FER1L6: variants seen among roughly 807,000 people sequenced by gnomAD.
The protein encoded by FER1L6 is fer-1 like family member 6.
FER1L6 carries 177 observed loss-of-function variants against 219.2 expected under a neutral mutation model. The observed-to-expected ratio is 0.81, with a 90% CI of 0.71 to 0.91. The LOEUF (loss-of-function observed/expected upper bound fraction) is 0.91, where lower values mean the gene tolerates loss of function less well. Among genes scored for constraint, FER1L6 ranks in the 40% least tolerant of loss-of-function variants. FER1L6 has a pLI of 0.00. For synonymous variants in FER1L6, 768 were observed against 824.3 expected (o/e 0.93, Z 1.17); for missense variants, 2,153 against 2,259.9 (o/e 0.95, Z 0.96).
chr8:123,926,599 T>C (rs1351517097), intron 1 of FER1L6, among the ~76,000 whole-genome samples: 9 of 152,168 alleles, frequency 5.9e-5, no homozygotes. Flanking sequence ...TCAGGAGACC[T>C]GGAAGACTTT....
chr8:123,995,803 G>T (rs1338691357), intron 12 of FER1L6, among the ~76,000 whole-genome samples: 1 of 151,874 alleles, frequency 6.6e-6, no homozygotes, highest in Non-Finnish European at 1.5e-5. Flanking sequence ...GGTGCTTATT[G>T]CTATAAACAT....
At chr8:124,032,739 G>A (rs545436124) in intron 18 of FER1L6, among the ~76,000 whole-genome samples, 1 of 152,086 alleles carries the variant, frequency 6.6e-6, no homozygotes, top group Admixed American at 6.5e-5. Flanking sequence ...TGATTCTATG[G>A]GGGCAGGGTG....
In FER1L6 at chr8:123,945,927, A is replaced by G. The variant is rs530968227; in HGVS notation, c.-7-10065A>G. On this transcript the variant is annotated intron_variant, in intron 1 of 40. Coordinates refer to ENST00000522917, the MANE Select transcript of FER1L6 (RefSeq NM_001039112.2). ...TATACAGAAAAATAATTAGGCTATCACTTTTAACCCCTTGGAACATTTTAT... is the reference window on the plus strand; with the variant it reads ...TATACAGAAAAATAATTAGGCTATCGCTTTTAACCCCTTGGAACATTTTAT... Among the ~76,000 whole-genome samples the G allele has an allele frequency of 4.0e-3, 608 of 152,332 alleles. 1 individual carries two copies. Among genetic ancestry groups the G allele is most frequent in the South Asian group, 0.013 (65 of 4,828 alleles).
chr8:124,107,035 A>G (rs1586350542), intron 39 of FER1L6, among the ~76,000 whole-genome samples: 2 of 141,260 alleles, frequency 1.4e-5, no homozygotes, highest in South Asian at 2.2e-4. Context: ...TGCAAGCTCC[A>G]CCTCCCGGGT....
At chr8:123,880,585 G>A (rs1348484068) in intron 1 of FER1L6, among the ~76,000 whole-genome samples, 5 of 152,082 alleles carry the variant, frequency 3.3e-5, no homozygotes, top group Admixed American at 2.0e-4. Flanking sequence ...CTGACCCAGG[G>A]TATTTTATGG....
chr8:123,874,784 G>A (rs6998986), intron 1 of FER1L6, among the ~76,000 whole-genome samples: 49,057 of 152,044 alleles, frequency 0.32, 8,224 homozygotes, highest in Middle Eastern at 0.38. Context: ...ATCATCAAAT[G>A]TTCCCTCTCT....
intron 33 of FER1L6, among the ~76,000 whole-genome samples, chr8:124,090,565 T>C (rs4345538): frequency 0.84 from 127,757 of 152,214 alleles, 53,717 homozygotes; most frequent in Non-Finnish European, 0.86. Flanking sequence ...TCAGGATTCT[T>C]TGGCATAATG....
At chr8:124,117,273 T>C (rs997415277) in intron 39 of FER1L6, among the ~76,000 whole-genome samples, 1 of 152,206 alleles carries the variant, frequency 6.6e-6, no homozygotes, top group South Asian at 2.1e-4. Flanking sequence ...ATTGCTATGA[T>C]TGATAGACTA....
chr8:124,057,137 A>G (rs1284165875), intron 22 of FER1L6, among the ~76,000 whole-genome samples: 2 of 152,248 alleles, frequency 1.3e-5, no homozygotes, highest in Non-Finnish European at 2.9e-5. Flanking sequence ...ACTTTATCCC[A>G]GAGTTCACAC....
intron 1 of FER1L6, among the ~76,000 whole-genome samples, chr8:123,891,329 C>G (rs1447194986): frequency 6.6e-6 from 1 of 151,994 alleles, no homozygotes. Flanking sequence ...TGTGCTTGTT[C>G]TTACTTTGTC....
At chr8:123,939,210 A>C in intron 1 of FER1L6, 4 of 984,368 alleles carry the variant, frequency 4.1e-6, no homozygotes, top group Non-Finnish European at 4.8e-6. Flanking sequence ...TAAATAACAC[A>C]TCTTGTCCAT....
In FER1L6 at chr8:124,007,926, A is replaced by G. The variant is rs1262418155; in HGVS notation, c.1701-2668A>G. On this transcript the variant is annotated intron_variant, in intron 13 of 40. Transcript: ENST00000522917. Reference sequence around the variant, plus strand: ...ATTTCAGCTTATATAATGCACTTACATCTGTTATCTTTTTTAAAATTGCCT... The same window carrying G: ...ATTTCAGCTTATATAATGCACTTACGTCTGTTATCTTTTTTAAAATTGCCT... 2.6e-5 allele frequency among the ~76,000 whole-genome samples: 4 copies of G among 152,254 alleles called. No individual in the cohort carries two copies. The South Asian group carries it at 8.3e-4, about 32-fold the overall frequency.
chr8:124,064,508 TC>T lies in FER1L6; in HGVS notation c.3494del (p.Pro1165ArgfsTer10). On this transcript the variant is annotated frameshift_variant, in exon 26 of 41. Coordinates refer to ENST00000522917, the MANE Select transcript of FER1L6 (RefSeq NM_001039112.2). LOFTEE classifies it high-confidence loss of function. ...CATCCTGGTTGACGTCCCTGACTCA[TC>T]CCCGATGCTGGAGCCTGAACACACA... ...PAILVDVPDSSPMLEPEHTPV... is the reference protein window; with the variant it reads ...PAILVDVPDSXPMLEPEHTPV... 1 of 1,613,928 alleles carries T rather than the reference TC, an allele frequency of 6.2e-7. No individual in the cohort carries two copies. The highest frequency in any genetic ancestry group is 8.5e-7 in the Non-Finnish European group (1 of 1,179,946).
rs994053768 is a variant in FER1L6 at position 123,859,954 on chromosome 8, TTTA to T, written c.-8+7782_-8+7784del. ...CATTTTATTTATTTATTTATTTATT[TTTA>T]TTATTATTATTACTATTATTATTAT... is the stretch of plus-strand genomic sequence containing the variant. On this transcript the variant is annotated intron_variant, in intron 1 of 40. Coordinates refer to ENST00000522917, the MANE Select transcript of FER1L6 (RefSeq NM_001039112.2). Among the ~76,000 whole-genome samples the T allele has an allele frequency of 8.6e-5, 12 of 140,060 alleles. 1 individual carries two copies. Among genetic ancestry groups the T allele is most frequent in the African/African-American group, 2.4e-4 (9 of 37,344 alleles). 91.9% of individuals were successfully genotyped at this position (140,060 alleles called of 152,430 possible).
chr8:124,102,896 A>AACAAT (rs1822604985), intron 38 of FER1L6, among the ~76,000 whole-genome samples: 1 of 152,186 alleles, frequency 6.6e-6, no homozygotes, highest in Non-Finnish European at 1.5e-5. Context: ...AAGTATTGTT[A>AACAAT]ACTTAAGAGT....
chr8:124,103,803 C>T (rs577750343), intron 39 of FER1L6, among the ~76,000 whole-genome samples: 69 of 152,346 alleles, frequency 4.5e-4, no homozygotes, highest in Non-Finnish European at 8.4e-4. Flanking sequence ...ACAGTTTCTT[C>T]TTCCTGTTCT....
At position 124,023,440 on chromosome 8, in the gene FER1L6, A is replaced by G; in HGVS notation, c.2134-4A>G. 8 of 1,612,770 alleles carry G rather than the reference A, an allele frequency of 5.0e-6. No individual in the cohort carries two copies. The highest frequency in any genetic ancestry group is 1.1e-5 in the South Asian group (1 of 90,844). The stretch of plus-strand genomic sequence containing the variant: ...TTCAATCCCAACTCCCTCTATTCCC[A>G]CAGCCCCAGCACACTATCCCTGACG... On this transcript the variant is annotated splice_polypyrimidine_tract_variant and splice_region_variant and intron_variant, in intron 17 of 40. Transcript: ENST00000522917.
At chr8:124,017,246 A>G (rs1818241923) in intron 15 of FER1L6, among the ~76,000 whole-genome samples, 1 of 152,310 alleles carries the variant, frequency 6.6e-6, no homozygotes, top group East Asian at 1.9e-4. Flanking sequence ...GGACACATCT[A>G]GGTATTGAAT....
At position 124,060,853 on chromosome 8, in the gene FER1L6, T is replaced by C. The variant is rs73328376; in HGVS notation, c.3147+144T>C. 1,967 of 936,820 alleles carry C rather than the reference T, an allele frequency of 2.1e-3. 31 individuals are homozygous for C. The African/African-American group carries it at 0.029, about 14-fold the overall frequency. 58.0% of individuals were successfully genotyped at this position (936,820 alleles called of 1,614,324 possible). ...TTTCAGAATGAGATAAAATAGACTT[T>C]TGTTGTTGTTGTTTTGTTTTGAAAC... On this transcript the variant is annotated intron_variant, in intron 24 of 40. Coordinates refer to ENST00000522917, the MANE Select transcript of FER1L6 (RefSeq NM_001039112.2).
Sources: gnomAD v4.1 joint callset for allele counts (sites outside exome capture counted in the v4.1 genomes callset) on GRCh38, gnomAD v4.1.1 for gene constraint, MANE v1.5 for transcripts, NCBI Gene and HGNC (gene_info 2026-07-23, HGNC 2026-07-21) for gene names.